TRPC4: variants seen among roughly 807,000 people sequenced by gnomAD.
TRPC4 encodes short transient receptor potential channel 4.
A neutral mutation model predicts 99.4 loss-of-function variants in TRPC4; 49 were observed. That is an observed-to-expected ratio of 0.49 (90% CI 0.39 to 0.63). The LOEUF (loss-of-function observed/expected upper bound fraction) is 0.63. Among genes scored for constraint, TRPC4 ranks in the 20% least tolerant of loss-of-function variants. The pLI, the probability that TRPC4 is intolerant of heterozygous loss-of-function variation, is 0.00. For synonymous variants in TRPC4, 454 were observed against 425.9 expected (o/e 1.07, Z -0.81); for missense variants, 898 against 1,152.9 (o/e 0.78, Z 3.20).
At chr13:37,818,408 CTAGAACCAGAA>C (rs1957923055) in intron 1 of TRPC4, among the ~76,000 whole-genome samples, 1 of 152,046 alleles carries the variant, frequency 6.6e-6, no homozygotes, top group Admixed American at 6.6e-5. Context: ...CCTCAAAGAT[CTAGAACCAGAA>C]ATACCATTTG....
In TRPC4 at chr13:37,770,074, A is replaced by G. The variant is rs1354785246; in HGVS notation, c.378+12882T>C. Among the ~76,000 whole-genome samples, 6 of 151,640 alleles carry G rather than the reference A, an allele frequency of 4.0e-5. No individual in the cohort carries two copies. The South Asian group carries it at 1.0e-3, about 26-fold the overall frequency. Reference sequence around the variant, plus strand: ...TTTCAACCCTGAAATATTTCCTTTTATATAAAACAAACCTCAAAATATTTA... The same window carrying G: ...TTTCAACCCTGAAATATTTCCTTTTGTATAAAACAAACCTCAAAATATTTA... On this transcript the variant is annotated intron_variant, in intron 2 of 10. Coordinates refer to ENST00000379705, the MANE Select transcript of TRPC4 (RefSeq NM_016179.4).
At chr13:37,644,913 G>A (rs1593421812) in intron 8 of TRPC4, among the ~76,000 whole-genome samples, 1 of 145,616 alleles carries the variant, frequency 6.9e-6, no homozygotes, top group Non-Finnish European at 1.5e-5. Context: ...TCTGGAACTT[G>A]CATTTTGCAG....
At chr13:37,701,203 T>A (rs778755241) in intron 3 of TRPC4, among the ~76,000 whole-genome samples, 2 of 152,182 alleles carry the variant, frequency 1.3e-5, no homozygotes, top group Non-Finnish European at 1.5e-5. Context: ...GTCTTTGATA[T>A]CATTTTCACA....
At chr13:37,796,978 G>C (rs80231090) in intron 1 of TRPC4, among the ~76,000 whole-genome samples, 1 of 81,050 alleles carries the variant, frequency 1.2e-5, no homozygotes, top group Non-Finnish European at 2.4e-5. Context: ...ATAAAGTAAA[G>C]TAAAGTAAAG....
chr13:37,816,215 G>A (rs1156506281), intron 1 of TRPC4, among the ~76,000 whole-genome samples: 1 of 151,804 alleles, frequency 6.6e-6, no homozygotes, highest in Non-Finnish European at 1.5e-5. Context: ...TCAACAAAAA[G>A]AGCTAACTAT....
intron 3 of TRPC4, among the ~76,000 whole-genome samples, chr13:37,693,513 C>T (rs1953800342): frequency 1.3e-5 from 2 of 152,190 alleles, no homozygotes; most frequent in African/African-American, 4.8e-5. Flanking sequence ...GGACTCTCCA[C>T]CCAACTCCAC....
intron 7 of TRPC4, among the ~76,000 whole-genome samples, chr13:37,654,627 T>G (rs1405527113): frequency 6.6e-6 from 1 of 152,198 alleles, no homozygotes; most frequent in African/African-American, 2.4e-5. Context: ...ATACATTGCT[T>G]TCCCTGAGCT....
At position 37,663,501 on chromosome 13, in the gene TRPC4, T is replaced by A; in HGVS notation, c.1603A>T (p.Asn535Tyr). 6.2e-7 allele frequency: 1 copy of A among 1,614,194 alleles called. No individual in the cohort carries two copies. Among genetic ancestry groups the A allele is most frequent in the Non-Finnish European group, 8.5e-7 (1 of 1,180,028 alleles). The part of the protein sequence containing the change: ...LVLLAFANGL[N>Y]QLYFYYEETK... ...TCTTCATAATAGAAGTACAATTGATTTAGGCCATTTGCAAATGCTAGCAAC... is the reference window on the plus strand; with the variant it reads ...TCTTCATAATAGAAGTACAATTGATATAGGCCATTTGCAAATGCTAGCAAC... Residue 535 changes from asparagine (N) to tyrosine (Y), a missense_variant, in exon 6 of 11, where the codon AAT (asparagine) becomes TAT (tyrosine). Physicochemically the swap from Asn to Tyr is moderately radical, Grantham distance 143. This residue lies in a region of TRPC4 where 274 missense variants were observed against 454.9 expected (regional missense o/e 0.60). Transcript: ENST00000379705.
chr13:37,806,137 G>C (rs1005387996), intron 1 of TRPC4, among the ~76,000 whole-genome samples: 23 of 151,906 alleles, frequency 1.5e-4, no homozygotes, highest in Non-Finnish European at 3.1e-4. Flanking sequence ...ATGTTTTCTG[G>C]ACAAAAGACC....
rs568208264 is a variant in TRPC4, at chr13:37,859,195, C to T, written c.-28+10400G>A. Among the ~76,000 whole-genome samples, 23 of 150,700 alleles carry T rather than the reference C, an allele frequency of 1.5e-4. No homozygotes were observed. In the South Asian group the frequency reaches 4.8e-3, roughly 32 times the overall value. On this transcript the variant is annotated intron_variant, in intron 1 of 10. Coordinates refer to ENST00000379705, the MANE Select transcript of TRPC4 (RefSeq NM_016179.4). ...TAAATAAAATATACAGATTACAACA[C>T]AGAGAACAAAAATAAATGGAAAAAG...
At chr13:37,846,664 A>T (rs1472792602) in intron 1 of TRPC4, among the ~76,000 whole-genome samples, 1 of 152,046 alleles carries the variant, frequency 6.6e-6, no homozygotes, top group Non-Finnish European at 1.5e-5. Context: ...AAACATATAA[A>T]ATAATCAAAA....
intron 1 of TRPC4, among the ~76,000 whole-genome samples, chr13:37,831,672 G>A (rs914027143): frequency 6.6e-6 from 1 of 152,130 alleles, no homozygotes; most frequent in African/African-American, 2.4e-5. Context: ...AAAAAATGCT[G>A]TATACATACA....
intron 1 of TRPC4, among the ~76,000 whole-genome samples, chr13:37,830,803 GTA>G (rs148590771): frequency 0.5 from 72,488 of 145,960 alleles, 18,062 homozygotes; most frequent in East Asian, 0.52. Context: ...TATATTTTTT[GTA>G]TATATATATA....
chr13:37,735,551 A>G (rs1478018824), intron 3 of TRPC4, among the ~76,000 whole-genome samples: 1 of 152,202 alleles, frequency 6.6e-6, no homozygotes, highest in Non-Finnish European at 1.5e-5. Flanking sequence ...GACAAACTAC[A>G]TGATTGTATC....
At chr13:37,676,699 A>T (rs1171702954) in intron 4 of TRPC4, among the ~76,000 whole-genome samples, 2 of 152,130 alleles carry the variant, frequency 1.3e-5, no homozygotes, top group Non-Finnish European at 2.9e-5. Flanking sequence ...GTGCTGAAAG[A>T]AAAAGAATAA....
intron 3 of TRPC4, among the ~76,000 whole-genome samples, chr13:37,733,448 A>T (rs985830214): frequency 6.6e-6 from 1 of 152,172 alleles, no homozygotes; most frequent in Non-Finnish European, 1.5e-5. Flanking sequence ...ATAATCAAGG[A>T]TGACTCAGAT....
At chr13:37,717,478 A>C (rs2139016798) in intron 3 of TRPC4, among the ~76,000 whole-genome samples, 1 of 152,262 alleles carries the variant, frequency 6.6e-6, no homozygotes, top group Admixed American at 6.5e-5. Flanking sequence ...TGTGGCTGAA[A>C]CATTTCTTTA....
intron 3 of TRPC4, among the ~76,000 whole-genome samples, chr13:37,720,178 T>G (rs1954821577): frequency 6.6e-6 from 1 of 152,162 alleles, no homozygotes; most frequent in Admixed American, 6.6e-5. Flanking sequence ...CAGTGAGACT[T>G]GCATCGTATT....
intron 2 of TRPC4, among the ~76,000 whole-genome samples, chr13:37,758,512 T>C (rs902050670): frequency 1.3e-5 from 2 of 151,800 alleles, no homozygotes; most frequent in Non-Finnish European, 2.9e-5. Flanking sequence ...TTTATTCTTA[T>C]TATCTTACTC....
Sources: allele counts gnomAD v4.1 joint callset (sites outside exome capture counted in the v4.1 genomes callset), GRCh38; gene constraint gnomAD v4.1.1; regional missense constraint gnomAD v4.1.1; transcripts MANE v1.5; gene names NCBI Gene and HGNC (gene_info 2026-07-23, HGNC 2026-07-21).